ADCK1: variants seen among roughly 807,000 people sequenced by gnomAD.
The protein encoded by ADCK1 is aarF domain containing kinase 1, also known as aarF domain-containing protein kinase 1.
Under a neutral mutation model 52.3 loss-of-function variants are expected in ADCK1, and 41 were observed. That is an observed-to-expected ratio of 0.78 (90% CI 0.61 to 1.02). The LOEUF (loss-of-function observed/expected upper bound fraction) is 1.02, where lower values mean the gene tolerates loss of function less well. Among genes scored for constraint, ADCK1 ranks in the 50% least tolerant of loss-of-function variants. The probability of loss-of-function intolerance (pLI) is 0.00; values close to 1 mark genes in which losing one functional copy is unlikely to be tolerated. For missense variants in ADCK1, 658 were observed against 679.5 expected, an observed-to-expected ratio of 0.97 and a Z score of 0.35; for synonymous variants, 250 against 274.6, an observed-to-expected ratio of 0.91 and a Z score of 0.89.
Position 77,934,007 on chromosome 14 carries a change from C to G in ADCK1, c.*616C>G, listed in dbSNP as rs1047119145. 4.6e-5 allele frequency: 7 copies of G among 152,450 alleles called. No individual in the cohort carries two copies. Among genetic ancestry groups the G allele is most frequent in the Admixed American group, 3.3e-4 (5 of 15,294 alleles). 9.4% of individuals were successfully genotyped at this position (152,450 alleles called of 1,614,324 possible). A position where few individuals can be genotyped will look rare whatever the true frequency, so the allele number is the denominator to read the frequency against. On this transcript the variant is annotated 3_prime_UTR_variant, in exon 11 of 11. Transcript: ENST00000238561. Reference sequence around the variant, plus strand: ...TCCCACCTGACCCCAGGCACGTGCCCTTCCAGAATGTGCTCATGGTCCTCG... The same window carrying G: ...TCCCACCTGACCCCAGGCACGTGCCGTTCCAGAATGTGCTCATGGTCCTCG...
At chr14:77,926,385 A>T (rs2084194048) in intron 9 of ADCK1, among the ~76,000 whole-genome samples, 1 of 152,170 alleles carries the variant, frequency 6.6e-6, no homozygotes, top group African/African-American at 2.4e-5. Flanking sequence ...GTCTCCCATC[A>T]CATGGCTCCT....
intron 1 of ADCK1, among the ~76,000 whole-genome samples, chr14:77,801,299 C>T (rs1387211305): frequency 6.6e-6 from 1 of 152,130 alleles, no homozygotes; most frequent in Admixed American, 6.6e-5. Context: ...AGTACCACTG[C>T]TTTATAGGAA....
At chr14:77,922,808 A>G (rs1210184403) in intron 7 of ADCK1, among the ~76,000 whole-genome samples, 1 of 152,176 alleles carries the variant, frequency 6.6e-6, no homozygotes, top group African/African-American at 2.4e-5. Flanking sequence ...GCTAATAAGG[A>G]TGTCAGCTGG....
chr14:77,849,234 C>T (rs1244591560), intron 3 of ADCK1, among the ~76,000 whole-genome samples: 3 of 152,108 alleles, frequency 2.0e-5, no homozygotes, highest in Non-Finnish European at 4.4e-5. Flanking sequence ...GCCACCACAC[C>T]CAGCAATTTT....
At chr14:77,836,339 A>G (rs1349613537) in intron 3 of ADCK1, among the ~76,000 whole-genome samples, 1 of 152,242 alleles carries the variant, frequency 6.6e-6, no homozygotes, top group Non-Finnish European at 1.5e-5. Flanking sequence ...ATAGAAGCAC[A>G]AATGGATGAA....
At chr14:77,907,323 G>T (rs1191505085) in intron 6 of ADCK1, among the ~76,000 whole-genome samples, 2 of 152,174 alleles carry the variant, frequency 1.3e-5, no homozygotes, top group African/African-American at 2.4e-5. Context: ...CAGGAAACAG[G>T]CATGAGAAAC....
chr14:77,924,288 T>C (rs2084130781), intron 7 of ADCK1, 169 bp from the exon 8 acceptor site: 1 of 811,020 alleles, frequency 1.2e-6, no homozygotes. Context: ...TAAGAAATCT[T>C]AAACTCAAAG....
chr14:77,898,727 A>C (rs1334890079), intron 5 of ADCK1, among the ~76,000 whole-genome samples: 1 of 152,226 alleles, frequency 6.6e-6, no homozygotes, highest in Non-Finnish European at 1.5e-5. Context: ...TGATAGGTGC[A>C]GTAAACCACC....
intron 4 of ADCK1, among the ~76,000 whole-genome samples, 162 bp from the exon 5 acceptor site, chr14:77,886,929 C>A (rs141131103): frequency 5.4e-5 from 3 of 55,896 alleles, no homozygotes; most frequent in South Asian, 6.6e-4. Context: ...CACACACACA[C>A]ACACACACAC....
At chr14:77,887,043 T>G in intron 4 of ADCK1, 48 bp from the exon 5 acceptor site, 4 of 1,494,568 alleles carry the variant, frequency 2.7e-6, no homozygotes, top group Non-Finnish European at 3.6e-6. Flanking sequence ...TCCCTCTCAC[T>G]GAACTGGGTC....
At chr14:77,914,802 G>A (rs2083879682) in intron 7 of ADCK1, among the ~76,000 whole-genome samples, 1 of 152,112 alleles carries the variant, frequency 6.6e-6, no homozygotes, top group Non-Finnish European at 1.5e-5. Flanking sequence ...TGCGTTCATG[G>A]TTCACAGAGG....
intron 5 of ADCK1, among the ~76,000 whole-genome samples, chr14:77,891,253 AG>A (rs1156922476): frequency 6.6e-6 from 1 of 152,206 alleles, no homozygotes; most frequent in Non-Finnish European, 1.5e-5. Context: ...GCAGGAGAGC[AG>A]GATTGCTGGG....
intron 8 of ADCK1, among the ~76,000 whole-genome samples, 187 bp from the exon 9 acceptor site, chr14:77,925,577 C>T (rs375536008): frequency 5.9e-5 from 9 of 152,170 alleles, no homozygotes; most frequent in South Asian, 2.1e-4. Flanking sequence ...CACTCAGGGT[C>T]GAGGCTTGCC....
At chr14:77,864,934 A>G (rs1483680234) in intron 4 of ADCK1, among the ~76,000 whole-genome samples, 1 of 152,188 alleles carries the variant, frequency 6.6e-6, no homozygotes, top group African/African-American at 2.4e-5. Flanking sequence ...TGATTGCATG[A>G]GGCCCACTCA....
chr14:77,809,689 T>C (rs571425571), intron 1 of ADCK1, among the ~76,000 whole-genome samples: 2 of 152,194 alleles, frequency 1.3e-5, no homozygotes, highest in South Asian at 2.1e-4. Flanking sequence ...CTAGGAGTTT[T>C]TCATAAGCTC....
chr14:77,868,734 C>T (rs2082714469), intron 4 of ADCK1, among the ~76,000 whole-genome samples: 1 of 152,198 alleles, frequency 6.6e-6, no homozygotes, highest in South Asian at 2.1e-4. Context: ...GCCCCATTCA[C>T]TAACCCCGGG....
At chr14:77,814,380 CT>C (rs953032765) in intron 1 of ADCK1, among the ~76,000 whole-genome samples, 3 of 149,098 alleles carry the variant, frequency 2.0e-5, no homozygotes, top group African/African-American at 4.9e-5. Flanking sequence ...CACCTGACCC[CT>C]TTTTTTTTCT....
At chr14:77,892,638 GAAAA>G (rs11439066) in intron 5 of ADCK1, among the ~76,000 whole-genome samples, 5 of 126,628 alleles carry the variant, frequency 3.9e-5, no homozygotes, top group African/African-American at 1.4e-4. Context: ...TTCTTTATCA[GAAAA>G]AAAAAAAAAA....
chr14:77,909,108 C>T (rs926631761), intron 7 of ADCK1, among the ~76,000 whole-genome samples: 8 of 149,304 alleles, frequency 5.4e-5, no homozygotes, highest in South Asian at 2.1e-4. Flanking sequence ...AAGTGGGCCA[C>T]GCCCAGTGGA....
Sources: allele counts gnomAD v4.1 joint callset (sites outside exome capture counted in the v4.1 genomes callset), GRCh38; gene constraint gnomAD v4.1.1; transcripts MANE v1.5; gene names NCBI Gene and HGNC (gene_info 2026-07-23, HGNC 2026-07-21).